Variants in HACD1 observed in about 807,000 individuals in gnomAD.
HACD1 encodes the protein very-long-chain (3R)-3-hydroxyacyl-CoA dehydratase 1.
Under a neutral mutation model 32.0 loss-of-function variants are expected in HACD1, and 41 were observed. That is an observed-to-expected ratio of 1.28 (90% confidence interval 1.00 to 1.66). The LOEUF is 1.66. Among genes scored for constraint, HACD1 ranks in the 40% most tolerant of loss-of-function variants. The pLI is 0.00. For missense variants in HACD1, 396 were observed against 380.1 expected (o/e 1.04, Z -0.35); for synonymous variants, 142 against 139.0 (o/e 1.02, Z -0.15).
In HACD1 at chr10:17,617,248, G is replaced by A; in HGVS notation, c.92C>T (p.Pro31Leu). The change falls in exon 1 of 7, where the codon CCC becomes CTC. Residue 31 changes from proline (P) to leucine (L), a missense_variant. Physicochemically the swap from Pro to Leu is moderately conservative, Grantham distance 98. Coordinates refer to ENST00000361271, the MANE Select transcript of HACD1 (RefSeq NM_014241.4). ...GSPPTLLPLSPTSPRCAATMA... is the reference protein window; with the variant it reads ...GSPPTLLPLSLTSPRCAATMA... ...GGTGGCCGCGCACCTGGGGGACGTG[G>A]GAGACAGCGGCAGGAGCGTGGGAGG... 1 of 1,480,910 alleles carries A rather than the reference G, an allele frequency of 6.8e-7. No individual in the cohort carries two copies. 91.7% of individuals were successfully genotyped at this position (1,480,910 alleles called of 1,614,324 possible). A position where few individuals can be genotyped will look rare whatever the true frequency, so the allele number is the denominator to read the frequency against.
chr10:17,594,295 C>A lies in HACD1; in HGVS notation c.694G>T (p.Gly232Ter). The part of the protein sequence containing the change: ...YAALPHVKKT[G>*]MFSIRLPNKY... ...TTAGGAAGTCTTATTGAAAACATTCCTGTTTTCTTCACATGCGGCAAGGCA... is the reference window on the plus strand; with the variant it reads ...TTAGGAAGTCTTATTGAAAACATTCATGTTTTCTTCACATGCGGCAAGGCA... Residue 232 changes from glycine to a stop codon, truncating the protein, a stop_gained, in exon 6 of 7, where the codon GGA (glycine) becomes TGA (stop). Transcript: ENST00000361271. LOFTEE classifies it high-confidence loss of function. 6.2e-7 allele frequency: 1 copy of A among 1,603,432 alleles called. No individual in the cohort carries two copies. The highest frequency in any genetic ancestry group is 8.5e-7 in the Non-Finnish European group (1 of 1,174,158).
intron 1 of HACD1, among the ~76,000 whole-genome samples, chr10:17,610,979 T>G (rs1834225871): frequency 6.7e-6 from 1 of 148,456 alleles, no homozygotes; most frequent in African/African-American, 2.5e-5. Flanking sequence ...CATTTCCCAC[T>G]CTACACTTCA....
Position 17,591,976 on chromosome 10 carries a change from A to ATTTTTTTTTTTT in HACD1, c.785-1542_785-1531dup, listed in dbSNP as rs71393019. Reference sequence around the variant, plus strand: ...CCCTGCCTTAACTCACCAGCTACTGATTTTTTTTTTTTTTTTTTTTTTTGA... The same window carrying ATTTTTTTTTTTT: ...CCCTGCCTTAACTCACCAGCTACTGATTTTTTTTTTTTTTTTTTTTTTTTTTTTTTTTTTTGA... On this transcript the variant is annotated intron_variant, in intron 6 of 6. Coordinates refer to ENST00000361271, the MANE Select transcript of HACD1 (RefSeq NM_014241.4). Among the ~76,000 whole-genome samples, 28 of 96,952 alleles carry ATTTTTTTTTTTT rather than the reference A, an allele frequency of 2.9e-4. 1 individual carries two copies. The highest frequency in any genetic ancestry group is 9.9e-4 in the African/African-American group (22 of 22,298). 63.6% of individuals were successfully genotyped at this position (96,952 alleles called of 152,430 possible). A position where few individuals can be genotyped will look rare whatever the true frequency, so the allele number is the denominator to read the frequency against.
intron 6 of HACD1, among the ~76,000 whole-genome samples, chr10:17,590,781 C>T (rs1268737839): frequency 6.6e-6 from 1 of 152,150 alleles, no homozygotes; most frequent in Non-Finnish European, 1.5e-5. Context: ...AAGCAGTTCT[C>T]CTGCCTCAGT....
At chr10:17,595,250 T>C (rs548842462) in intron 5 of HACD1, among the ~76,000 whole-genome samples, 4 of 152,342 alleles carry the variant, frequency 2.6e-5, no homozygotes, top group African/African-American at 9.6e-5. Flanking sequence ...TAGTAATTTA[T>C]TGATCAAACA....
At chr10:17,605,402 G>A (rs1554816958) in intron 1 of HACD1, among the ~76,000 whole-genome samples, 1 of 151,722 alleles carries the variant, frequency 6.6e-6, no homozygotes, top group South Asian at 2.1e-4. Flanking sequence ...GCGCACACCT[G>A]TAGTCCCAGC....
intron 5 of HACD1, among the ~76,000 whole-genome samples, chr10:17,596,495 T>C (rs2131505796): frequency 6.6e-6 from 1 of 151,570 alleles, no homozygotes; most frequent in Non-Finnish European, 1.5e-5. Context: ...TTTTTTTTTT[T>C]TTTGGCAGGA....
intron 1 of HACD1, 115 bp from the exon 2 acceptor site, chr10:17,604,162 TC>T: frequency 2.7e-6 from 2 of 732,112 alleles, no homozygotes; most frequent in Non-Finnish European, 4.5e-6. Context: ...AACCCAGGTG[TC>T]CATAAGTGAG....
chr10:17,592,915 A>G (rs561266848), intron 6 of HACD1, among the ~76,000 whole-genome samples: 59 of 152,298 alleles, frequency 3.9e-4, no homozygotes, highest in African/African-American at 1.3e-3. Flanking sequence ...CAAGTTGGAG[A>G]CATCTGCCGG....
intron 5 of HACD1, among the ~76,000 whole-genome samples, chr10:17,598,756 A>C (rs1834028475): frequency 6.6e-6 from 1 of 152,192 alleles, no homozygotes. Context: ...TCCTTTAAAA[A>C]CTGTTGCTTT....
chr10:17,612,854 G>A (rs1023859233), intron 1 of HACD1, among the ~76,000 whole-genome samples: 3 of 149,474 alleles, frequency 2.0e-5, no homozygotes, highest in African/African-American at 4.9e-5. Context: ...TCCGGGAGGC[G>A]GAACTTGCAG....
intron 4 of HACD1, among the ~76,000 whole-genome samples, chr10:17,600,636 C>G (rs1327769236): frequency 6.6e-6 from 1 of 152,010 alleles, no homozygotes; most frequent in Non-Finnish European, 1.5e-5. Context: ...CAGCACCCTT[C>G]TTCTACTGTA....
intron 1 of HACD1, 22 bp from the exon 2 acceptor site, chr10:17,604,069 T>A: frequency 4.8e-6 from 7 of 1,464,444 alleles, no homozygotes; most frequent in Non-Finnish European, 6.5e-6. Context: ...AAGTATTTCA[T>A]AAAGTTCTTT....
At chr10:17,598,521 A>G (rs781785712) in intron 5 of HACD1, among the ~76,000 whole-genome samples, 5 of 152,190 alleles carry the variant, frequency 3.3e-5, no homozygotes, top group Non-Finnish European at 5.9e-5. Context: ...TGTCTTCATC[A>G]TAAGACAGAG....
Position 17,594,244 on chromosome 10 carries a change from A to G in HACD1, c.745T>C (p.Tyr249His). 6.3e-7 allele frequency: 1 copy of G among 1,588,406 alleles called. No individual in the cohort carries two copies. Among genetic ancestry groups the G allele is most frequent in the East Asian group, 2.2e-5 (1 of 44,628 alleles). Residue 249 changes from tyrosine (Y) to histidine (H), a missense_variant, in exon 6 of 7, where the codon TAT becomes CAT. By Grantham distance (83) the Tyr-to-His change is moderately conservative. Transcript: ENST00000361271. ...PNKYNVSFDY[Y>H]YFLLITMASY... ...GCCATGGTTATAAGAAGAAAATAAT[A>G]GTAGTCAAAAGAGACATTGTATTTG... is the stretch of plus-strand genomic sequence containing the variant.
Position 17,589,037 on chromosome 10 carries a change from T to C in HACD1, c.*1327A>G, listed in dbSNP as rs2131498690. On this transcript the variant is annotated 3_prime_UTR_variant, in exon 7 of 7. Coordinates refer to ENST00000361271, the MANE Select transcript of HACD1 (RefSeq NM_014241.4). ...AAGGCAGTTATGAAAGTAGGTCTGG[T>C]GTATTTTTTTTATTAAACACAAGGA... 1.3e-5 allele frequency: 2 copies of C among 151,050 alleles called. No homozygotes were observed. Among genetic ancestry groups the C allele is most frequent in the South Asian group, 2.1e-4 (1 of 4,830 alleles). 9.4% of individuals were successfully genotyped at this position (151,050 alleles called of 1,614,324 possible).
chr10:17,616,126 A>G (rs955415224), intron 1 of HACD1, among the ~76,000 whole-genome samples: 2 of 148,050 alleles, frequency 1.4e-5, no homozygotes, highest in African/African-American at 2.5e-5. Flanking sequence ...AAAATTAGCC[A>G]GGCGTGGTGG....
intron 4 of HACD1, among the ~76,000 whole-genome samples, chr10:17,602,713 T>C (rs1834088432): frequency 6.6e-6 from 1 of 152,184 alleles, no homozygotes; most frequent in Non-Finnish European, 1.5e-5. Flanking sequence ...ATACAATACA[T>C]TGCTATTAAC....
In HACD1 at chr10:17,599,430, AC is replaced by A. The variant is rs782240390; in HGVS notation, c.484-20del. 2 of 1,608,966 alleles carry A rather than the reference AC, an allele frequency of 1.2e-6. No individual in the cohort carries two copies. The highest frequency in any genetic ancestry group is 1.7e-6 in the Non-Finnish European group (2 of 1,178,326). ...TCTGGATCTGCAGAATTACAGAGAAACCCAGTGTCATTCAACCTAGAACTTA... is the reference window on the plus strand; with the variant it reads ...TCTGGATCTGCAGAATTACAGAGAAACCAGTGTCATTCAACCTAGAACTTA... On this transcript the variant is annotated intron_variant, in intron 4 of 6. Coordinates refer to ENST00000361271, the MANE Select transcript of HACD1 (RefSeq NM_014241.4).
Sources: allele counts gnomAD v4.1 joint callset (sites outside exome capture counted in the v4.1 genomes callset), GRCh38; gene constraint gnomAD v4.1.1; transcripts MANE v1.5; gene names NCBI Gene and HGNC (gene_info 2026-07-23, HGNC 2026-07-21).